KDM2A: variants seen among roughly 807,000 people sequenced by gnomAD.
KDM2A encodes the protein lysine demethylase 2A, also known as lysine-specific demethylase 2A.
In KDM2A, 3 loss-of-function variants were observed where a neutral mutation model predicts 137.3. That is an observed-to-expected ratio of 0.02 (90% confidence interval 0.01 to 0.06). The LOEUF is 0.06. Ranked by LOEUF, KDM2A falls within the 10% of genes least tolerant of loss-of-function variation. The pLI, the probability that KDM2A is intolerant of heterozygous loss-of-function variation, is 1.00. For missense variants in KDM2A, 738 were observed against 1,510.6 expected (o/e 0.49, Z 8.48); for synonymous variants, 512 against 541.5 (o/e 0.95, Z 0.76).
intron 2 of KDM2A, among the ~76,000 whole-genome samples, chr11:67,125,015 A>T (rs1008966684): frequency 6.6e-6 from 1 of 150,752 alleles, no homozygotes; most frequent in Non-Finnish European, 1.5e-5. Flanking sequence ...CCGCCGCCAC[A>T]CCCGGCTAAT....
chr11:67,145,244 G>A (rs1429907231), intron 2 of KDM2A, among the ~76,000 whole-genome samples: 1 of 151,524 alleles, frequency 6.6e-6, no homozygotes, highest in Non-Finnish European at 1.5e-5. Context: ...CAGCACTTTG[G>A]GAGGCTGAGG....
At chr11:67,232,679 G>A (rs1384673984) in intron 12 of KDM2A, among the ~76,000 whole-genome samples, 1 of 146,626 alleles carries the variant, frequency 6.8e-6, no homozygotes, top group Non-Finnish European at 1.5e-5. Flanking sequence ...ATCCAGACTT[G>A]AGCTTTTTTT....
In KDM2A at chr11:67,181,391, G is replaced by A. The variant is rs1202644306; in HGVS notation, c.253G>A (p.Gly85Arg). 1.2e-6 allele frequency: 2 copies of A among 1,608,886 alleles called. No homozygotes were observed. Among genetic ancestry groups the A allele is most frequent in the East Asian group, 2.2e-5 (1 of 44,782 alleles). The change falls in exon 4 of 21, where the codon GGA becomes AGA. Residue 85 changes from glycine to arginine, a missense_variant. Gly to Arg is a moderately radical substitution (Grantham distance 125, BLOSUM62 -2). Around this residue, in one of 9 missense-constraint regions of KDM2A, gnomAD observed 74 missense variants for 181.8 expected, o/e 0.41. Transcript: ENST00000529006. ...PLIFKNSDGL[G>R]IKMPDPDFTV... ...GATTTTCAAGAATTCTGATGGACTC[G>A]GAATAAAGTAAGTGTTTTCAGCCTG... is the stretch of plus-strand genomic sequence containing the variant.
intron 2 of KDM2A, among the ~76,000 whole-genome samples, chr11:67,151,112 A>G (rs1412733575): frequency 6.6e-6 from 1 of 152,180 alleles, no homozygotes; most frequent in Admixed American, 6.5e-5. Flanking sequence ...ATGTTTGACC[A>G]ATTATGCTGA....
chr11:67,134,277 C>G (rs1414121120), intron 2 of KDM2A, among the ~76,000 whole-genome samples: 1 of 152,140 alleles, frequency 6.6e-6, no homozygotes, highest in African/African-American at 2.4e-5. Flanking sequence ...TTCTGATGGT[C>G]AGACTGGGGT....
At chr11:67,252,537 A>T (rs1367379984) in intron 17 of KDM2A, 157 bp from the exon 18 acceptor site, 7 of 807,862 alleles carry the variant, frequency 8.7e-6, no homozygotes, top group Admixed American at 6.6e-5. Flanking sequence ...TTTTTTGCCT[A>T]TTCTGTGAGG....
Position 67,181,864 on chromosome 11 carries a change from C to A in KDM2A, c.279C>A (p.Phe93Leu). ...GLGIKMPDPDFTVNDVKMCVG... is the reference protein window; with the variant it reads ...GLGIKMPDPDLTVNDVKMCVG... ...TTCATAGAATGCCGGATCCAGACTT[C>A]ACTGTGAATGATGTCAAAATGTGTG... Residue 93 changes from phenylalanine (F) to leucine (L), a missense_variant, in exon 5 of 21, where the codon TTC (phenylalanine) becomes TTA (leucine). This residue lies in a region of KDM2A where 74 missense variants were observed against 181.8 expected (regional missense o/e 0.41). Transcript: ENST00000529006. 6.2e-7 allele frequency: 1 copy of A among 1,613,826 alleles called. No homozygotes were observed. The highest frequency in any genetic ancestry group is 8.5e-7 in the Non-Finnish European group (1 of 1,179,798).
In KDM2A at chr11:67,121,165, C is replaced by T. The variant is rs543324502; in HGVS notation, c.-83-69C>T. 129 of 652,520 alleles carry T rather than the reference C, an allele frequency of 2.0e-4. 2 individuals are homozygous for T. The South Asian group carries it at 2.4e-3, about 12-fold the overall frequency. 40.4% of individuals were successfully genotyped at this position (652,520 alleles called of 1,614,324 possible). ...GCCTTTAACACTTACCTTAAATACT[C>T]CTTTCCGTGAACAGAAAGCACAAGT... is the stretch of plus-strand genomic sequence containing the variant. On this transcript the variant is annotated intron_variant, in intron 1 of 20. Coordinates refer to ENST00000529006, the MANE Select transcript of KDM2A (RefSeq NM_012308.3).
At chr11:67,204,390 T>G (rs1266250006) in intron 5 of KDM2A, among the ~76,000 whole-genome samples, 2 of 152,184 alleles carry the variant, frequency 1.3e-5, no homozygotes, top group East Asian at 3.8e-4. Flanking sequence ...AACAAATCTA[T>G]TCTGTCTTGG....
chr11:67,210,225 A>G (rs1464936700), intron 6 of KDM2A, among the ~76,000 whole-genome samples: 1 of 151,680 alleles, frequency 6.6e-6, no homozygotes, highest in African/African-American at 2.4e-5. Context: ...GCCAGGCATG[A>G]TGGCGTCCCC....
intron 16 of KDM2A, 32 bp downstream of exon 16, chr11:67,248,402 C>T: frequency 1.4e-6 from 2 of 1,475,244 alleles, no homozygotes; most frequent in South Asian, 2.4e-5. Flanking sequence ...TGCACTGTGA[C>T]AGAAAGGAGG....
intron 2 of KDM2A, among the ~76,000 whole-genome samples, chr11:67,133,755 G>T (rs1855909491): frequency 1.3e-5 from 2 of 151,490 alleles, no homozygotes; most frequent in Admixed American, 6.6e-5. Flanking sequence ...AGGCTGACGT[G>T]CAGTGGCGCC....
chr11:67,237,730 T>A (rs1035019540), intron 12 of KDM2A, among the ~76,000 whole-genome samples: 1 of 152,022 alleles, frequency 6.6e-6, no homozygotes, highest in Non-Finnish European at 1.5e-5. Context: ...GGAGGATCAC[T>A]TAAGGCCAGG....
At chr11:67,178,652 T>C (rs1323582610) in intron 2 of KDM2A, among the ~76,000 whole-genome samples, 5 of 152,244 alleles carry the variant, frequency 3.3e-5, no homozygotes, top group East Asian at 3.8e-4. Context: ...TGTGGTCTTT[T>C]ATGACTGGCT....
chr11:67,215,219 T>G, intron 6 of KDM2A, 121 bp from the exon 7 acceptor site: 1 of 580,070 alleles, frequency 1.7e-6, no homozygotes, highest in Non-Finnish European at 3.0e-6. Context: ...TTAATTTGCT[T>G]ATAATTAAAT....
intron 1 of KDM2A, among the ~76,000 whole-genome samples, chr11:67,120,721 C>T (rs1307459072): frequency 1.3e-5 from 2 of 152,056 alleles, no homozygotes; most frequent in Non-Finnish European, 2.9e-5. Context: ...TGTGCACGGC[C>T]TTACAGGAGG....
chr11:67,196,402 A>G (rs1339681818), intron 5 of KDM2A: 3 of 455,948 alleles, frequency 6.6e-6, no homozygotes, highest in Admixed American at 2.4e-5. Flanking sequence ...AACCTCTTGC[A>G]TAGCTGGGAC....
intron 2 of KDM2A, among the ~76,000 whole-genome samples, chr11:67,141,382 A>T (rs922750459): frequency 1.3e-5 from 2 of 151,852 alleles, no homozygotes; most frequent in African/African-American, 2.4e-5. Context: ...ATTCATTGTT[A>T]TTGGCCGGGC....
At chr11:67,136,091 T>C (rs1387121535) in intron 2 of KDM2A, among the ~76,000 whole-genome samples, 1 of 152,186 alleles carries the variant, frequency 6.6e-6, no homozygotes, top group East Asian at 1.9e-4. Context: ...ACACTGCATA[T>C]TTGAAAGTAG....
Sources: allele counts gnomAD v4.1 joint callset (sites outside exome capture counted in the v4.1 genomes callset), GRCh38; gene constraint gnomAD v4.1.1; regional missense constraint gnomAD v4.1.1; transcripts MANE v1.5; gene names NCBI Gene and HGNC (gene_info 2026-07-23, HGNC 2026-07-21).